Variants in DHRSX observed in about 807,000 individuals in gnomAD.
The protein encoded by DHRSX is dehydrogenase/reductase X-linked.
DHRSX carries 31 observed loss-of-function variants against 34.0 expected under a neutral mutation model. The ratio of observed to expected loss-of-function variants is 0.91; its 90% CI spans 0.69 to 1.23. DHRSX has a LOEUF of 1.23. Among genes scored for constraint, DHRSX ranks in the 50% most tolerant of loss-of-function variants. The pLI is 0.00. For synonymous variants in DHRSX, 201 were observed against 183.8 expected (o/e 1.09, Z -0.76); for missense variants, 414 against 428.1 (o/e 0.97, Z 0.29).
chrX:2,346,488 T>C (rs1339428669), intron 3 of DHRSX, among the ~76,000 whole-genome samples: 3 of 152,056 alleles, frequency 2.0e-5, no homozygotes, highest in African/African-American at 4.8e-5. Flanking sequence ...TTGAAGCTGC[T>C]GTCAAGCTCA....
At chrX:2,337,096 G>A (rs1447446813) in intron 3 of DHRSX, among the ~76,000 whole-genome samples, 11 of 152,004 alleles carry the variant, frequency 7.2e-5, no homozygotes, top group Admixed American at 3.3e-4. Context: ...GAGCCACCGC[G>A]GCTGACCTTT....
intron 1 of DHRSX, among the ~76,000 whole-genome samples, chrX:2,483,832 G>A (rs2044813595): frequency 6.7e-6 from 1 of 150,068 alleles, no homozygotes; most frequent in African/African-American, 2.5e-5. Context: ...AAGTCCAGCG[G>A]TTATTTTTGG....
intron 2 of DHRSX, among the ~76,000 whole-genome samples, chrX:2,420,235 C>T (rs758903845): frequency 1.7e-4 from 26 of 151,404 alleles, no homozygotes; most frequent in Non-Finnish European, 3.2e-4. Context: ...GGTGAAACCC[C>T]CCCTCTACTA....
chrX:2,274,724 C>G (rs1302972009), intron 4 of DHRSX, among the ~76,000 whole-genome samples: 2 of 152,068 alleles, frequency 1.3e-5, no homozygotes, highest in African/African-American at 2.4e-5. Context: ...AGCCACCGCG[C>G]CCGGCCACGC....
intron 1 of DHRSX, among the ~76,000 whole-genome samples, chrX:2,493,709 C>A (rs35106797): frequency 0.095 from 14,474 of 152,082 alleles, 759 homozygotes; most frequent in Middle Eastern, 0.13. Context: ...GCGGCTCACG[C>A]CTGTACTCTC....
chrX:2,249,513 CTTTTTTTTTTTTTTT>C (rs753035485), intron 5 of DHRSX, among the ~76,000 whole-genome samples: 5 of 70,166 alleles, frequency 7.1e-5, no homozygotes, highest in African/African-American at 1.9e-4. Context: ...CTTTTTGTGC[CTTTTTTTTTTTTTTT>C]TTTTTTTTTT....
chrX:2,255,008 G>C (rs1472622231), intron 5 of DHRSX, among the ~76,000 whole-genome samples: 1 of 134,706 alleles, frequency 7.4e-6, no homozygotes, highest in African/African-American at 2.9e-5. Context: ...TGCCCAGGCC[G>C]GGCTGGAGTG....
intron 1 of DHRSX, among the ~76,000 whole-genome samples, chrX:2,429,953 G>A (rs1461650106): frequency 2.6e-5 from 4 of 152,144 alleles, no homozygotes; most frequent in African/African-American, 9.7e-5. Context: ...AATATCAATA[G>A]CTTCCATACA....
At chrX:2,313,002 A>AT (rs1440342816) in intron 3 of DHRSX, among the ~76,000 whole-genome samples, 68 of 107,036 alleles carry the variant, frequency 6.4e-4, no homozygotes, top group African/African-American at 2.6e-3. Flanking sequence ...GCTTCAAGAT[A>AT]TATATTTTTT....
chrX:2,244,731 A>T (rs1438730779), intron 5 of DHRSX, among the ~76,000 whole-genome samples: 1 of 151,690 alleles, frequency 6.6e-6, no homozygotes, highest in Non-Finnish European at 1.5e-5. Context: ...TTTATTTTTG[A>T]GACAGAGTCT....
At chrX:2,413,139 G>A (rs989101254) in intron 2 of DHRSX, among the ~76,000 whole-genome samples, 26 of 152,110 alleles carry the variant, frequency 1.7e-4, no homozygotes, top group African/African-American at 6.0e-4. Context: ...AGGTTGCAGT[G>A]AGCCGAGATT....
intron 3 of DHRSX, among the ~76,000 whole-genome samples, chrX:2,307,558 G>A (rs2042113489): frequency 6.6e-6 from 1 of 152,000 alleles, no homozygotes; most frequent in South Asian, 2.1e-4. Context: ...GGGGTCAGGA[G>A]ATCGAGACCA....
At chrX:2,325,536 C>T (rs1405634588) in intron 3 of DHRSX, among the ~76,000 whole-genome samples, 1 of 152,138 alleles carries the variant, frequency 6.6e-6, no homozygotes, top group African/African-American at 2.4e-5. Context: ...CCCCGACCAA[C>T]TACAAAGCCC....
chrX:2,459,400 T>A lies in DHRSX; in HGVS notation c.110-34096A>T, dbSNP rs139248301. ...GTTAATATGTTAATTAGGTCAATGG[T>A]TAATATGTTAATTCACTTAATTATT... On this transcript the variant is annotated intron_variant, in intron 1 of 6. Coordinates refer to ENST00000334651, the MANE Select transcript of DHRSX (RefSeq NM_145177.3). Among the ~76,000 whole-genome samples the A allele has an allele frequency of 3.2e-4, 48 of 151,874 alleles. No individual in the cohort carries two copies. The East Asian group carries it at 7.5e-3, about 24-fold the overall frequency.
chrX:2,259,992 C>A (rs2041341082), intron 5 of DHRSX, among the ~76,000 whole-genome samples: 1 of 151,782 alleles, frequency 6.6e-6, no homozygotes, highest in Non-Finnish European at 1.5e-5. Context: ...TGTGAACCAC[C>A]ATTCAATCCA....
chrX:2,390,889 G>A (rs890243018), intron 3 of DHRSX, among the ~76,000 whole-genome samples: 1 of 151,782 alleles, frequency 6.6e-6, no homozygotes, highest in Non-Finnish European at 1.5e-5. Context: ...TCTGCCTGTG[G>A]AGGGACACAG....
At chrX:2,275,780 C>A (rs1254426244) in intron 4 of DHRSX, among the ~76,000 whole-genome samples, 1 of 150,220 alleles carries the variant, frequency 6.7e-6, no homozygotes, top group Non-Finnish European at 1.5e-5. Context: ...CAGAGCAAGG[C>A]TCTGTCTCAA....
intron 3 of DHRSX, among the ~76,000 whole-genome samples, chrX:2,307,075 G>T (rs142432905): frequency 0.017 from 2,575 of 152,090 alleles, 73 homozygotes; most frequent in African/African-American, 0.056. Context: ...CATCAATTAT[G>T]TGTTGGATGA....
chrX:2,233,181 G>C (rs1768098935), intron 6 of DHRSX, among the ~76,000 whole-genome samples: 1 of 151,498 alleles, frequency 6.6e-6, no homozygotes. Flanking sequence ...CTTCGCGGCA[G>C]AATTTCATTA....
Sources: allele counts gnomAD v4.1 joint callset (sites outside exome capture counted in the v4.1 genomes callset), GRCh38; gene constraint gnomAD v4.1.1; transcripts MANE v1.5; gene names NCBI Gene and HGNC (gene_info 2026-07-23, HGNC 2026-07-21).